The following TOX variants were observed in gnomAD, a reference collection of about 807,000 sequenced individuals.
The protein encoded by TOX is thymocyte selection-associated high mobility group box protein TOX.
A neutral mutation model predicts 53.7 loss-of-function variants in TOX; 11 were observed. The observed-to-expected ratio is 0.20, with a 90% CI of 0.13 to 0.34. The LOEUF is 0.34. Ranked by LOEUF, TOX falls within the 10% of genes least tolerant of loss-of-function variation. The probability of loss-of-function intolerance (pLI) is 1.00; values close to 1 mark genes in which losing one functional copy is unlikely to be tolerated. For synonymous variants in TOX, 225 were observed against 245.3 expected, an observed-to-expected ratio of 0.92 and a Z score of 0.77; for missense variants, 570 against 664.6, an observed-to-expected ratio of 0.86 and a Z score of 1.56.
At chr8:58,829,667 T>C (rs1810421077) in intron 5 of TOX, among the ~76,000 whole-genome samples, 1 of 152,196 alleles carries the variant, frequency 6.6e-6, no homozygotes, top group Non-Finnish European at 1.5e-5. Flanking sequence ...GCTCCCATTT[T>C]GTACACTCTG....
At chr8:58,868,563 C>CA (rs11445606) in intron 3 of TOX, among the ~76,000 whole-genome samples, 56,346 of 151,822 alleles carry the variant, frequency 0.37, 10,611 homozygotes, top group South Asian at 0.43. Flanking sequence ...AAATCTGGGT[C>CA]AAACTTTCCT....
At chr8:58,920,634 C>A (rs1435574386) in intron 3 of TOX, among the ~76,000 whole-genome samples, 1 of 106,400 alleles carries the variant, frequency 9.4e-6, no homozygotes, top group African/African-American at 3.8e-5. Flanking sequence ...GTGCAGTGCA[C>A]CAGCATGGCA....
chr8:58,976,918 C>A (rs1289185083), intron 1 of TOX, among the ~76,000 whole-genome samples: 1 of 152,180 alleles, frequency 6.6e-6, no homozygotes, highest in Non-Finnish European at 1.5e-5. Flanking sequence ...GTACTGTCAT[C>A]CAGCTAGAGT....
chr8:59,030,855 T>G (rs1814342520), intron 1 of TOX, among the ~76,000 whole-genome samples: 1 of 152,240 alleles, frequency 6.6e-6, no homozygotes, highest in African/African-American at 2.4e-5. Context: ...TTCCTCTCAT[T>G]TTTTCTATAA....
chr8:58,938,012 A>T (rs1812375381), intron 3 of TOX, among the ~76,000 whole-genome samples: 1 of 152,200 alleles, frequency 6.6e-6, no homozygotes, highest in Admixed American at 6.5e-5. Flanking sequence ...TCATAAGCTA[A>T]ATCTATACAA....
intron 2 of TOX, among the ~76,000 whole-genome samples, chr8:58,946,768 G>A (rs1812528898): frequency 6.6e-6 from 1 of 152,090 alleles, no homozygotes; most frequent in Non-Finnish European, 1.5e-5. Context: ...CAGAAGCATT[G>A]TCATATACCT....
At chr8:58,913,749 A>G (rs1039394621) in intron 3 of TOX, among the ~76,000 whole-genome samples, 3 of 152,202 alleles carry the variant, frequency 2.0e-5, no homozygotes, top group African/African-American at 7.2e-5. Context: ...ACTTGGAAGT[A>G]TAAGAATGTT....
In TOX at chr8:58,939,419, G is replaced by A. The variant is rs910511300; in HGVS notation, c.294C>T (p.His98=). Residue 98 remains histidine, a synonymous_variant, in exon 3 of 9, where the codon CAC becomes CAT. Coordinates refer to ENST00000361421, the MANE Select transcript of TOX (RefSeq NM_014729.3). Reference sequence around the variant, plus strand: ...GTAGCAGGCCATTATGGTTCATGGGGTGACACAGAGAATGGTAACCAGACT... The same window carrying A: ...GTAGCAGGCCATTATGGTTCATGGGATGACACAGAGAATGGTAACCAGACT... The part of the protein sequence containing the change: ...EVESGYHSLC[H]PMNHNGLLPF... The A allele has an allele frequency of 2.7e-5, 43 of 1,614,032 alleles. No individual in the cohort carries two copies. Among genetic ancestry groups the A allele is most frequent in the Non-Finnish European group, 3.6e-5 (43 of 1,180,040 alleles).
rs574319716 is a variant in TOX at position 58,922,796 on chromosome 8, A to G, written c.411+16506T>C. On this transcript the variant is annotated intron_variant, in intron 3 of 8. Transcript: ENST00000361421. ...TATTCACTTCTTCCTCATTACATGC[A>G]CTTTCCAGTGACAACTCATTTTATA... Among the ~76,000 whole-genome samples, 3 of 152,334 alleles carry G rather than the reference A, an allele frequency of 2.0e-5. No individual in the cohort carries two copies. In the South Asian group the frequency reaches 6.2e-4, roughly 32 times the overall value.
chr8:58,974,417 G>C (rs907824588), intron 1 of TOX, among the ~76,000 whole-genome samples: 1 of 152,186 alleles, frequency 6.6e-6, no homozygotes, highest in Non-Finnish European at 1.5e-5. Flanking sequence ...TAGGAATAAA[G>C]ACAGCTCAAA....
chr8:58,974,163 T>C (rs1813052293), intron 1 of TOX, among the ~76,000 whole-genome samples: 1 of 152,180 alleles, frequency 6.6e-6, no homozygotes, highest in Non-Finnish European at 1.5e-5. Context: ...CATTTGACAA[T>C]GTCTGGAGGT....
chr8:59,089,391 T>G (rs1000544778), intron 1 of TOX, among the ~76,000 whole-genome samples: 1 of 152,210 alleles, frequency 6.6e-6, no homozygotes, highest in South Asian at 2.1e-4. Context: ...GTGACCTCTT[T>G]CAGCTCTTCA....
chr8:59,009,529 C>T (rs1194509792), intron 1 of TOX, among the ~76,000 whole-genome samples: 1 of 152,054 alleles, frequency 6.6e-6, no homozygotes, highest in African/African-American at 2.4e-5. Context: ...TGTGCCTCCA[C>T]ACCTGGCTAA....
At position 58,851,942 on chromosome 8, in the gene TOX, T is replaced by C; in HGVS notation, c.412-137A>G. The C allele has an allele frequency of 1.3e-6, 1 of 755,102 alleles. No individual in the cohort carries two copies. Among genetic ancestry groups the C allele is most frequent in the Middle Eastern group, 5.0e-4 (1 of 1,998 alleles). 46.8% of individuals were successfully genotyped at this position (755,102 alleles called of 1,614,324 possible). A position where few individuals can be genotyped will look rare whatever the true frequency, so the allele number is the denominator to read the frequency against. ...TCTGCTGAGTTACATACACATTTAT[T>C]TTATCTGGGGTAAAATAATCCTAAA... On this transcript the variant is annotated intron_variant, in intron 3 of 8. Transcript: ENST00000361421. The surrounding 1 kb of genome is among the most constrained non-coding windows in gnomAD (Gnocchi z 4.4).
intron 3 of TOX, among the ~76,000 whole-genome samples, chr8:58,898,194 A>C (rs151034342): frequency 6.6e-6 from 1 of 152,324 alleles, no homozygotes; most frequent in East Asian, 1.9e-4. Context: ...TATTATGAGT[A>C]TAACAGTTTT....
At chr8:59,018,487 G>A (rs764404067) in intron 1 of TOX, among the ~76,000 whole-genome samples, 8 of 152,132 alleles carry the variant, frequency 5.3e-5, no homozygotes, top group Non-Finnish European at 8.8e-5. Flanking sequence ...AGTATGTCAC[G>A]CTCCAATAGA....
intron 3 of TOX, among the ~76,000 whole-genome samples, chr8:58,930,168 T>A (rs1428117201): frequency 1.3e-5 from 2 of 152,250 alleles, no homozygotes; most frequent in East Asian, 1.9e-4. Flanking sequence ...AATATTTGTA[T>A]CATTTTAGAA....
At chr8:58,908,967 T>G (rs1474323092) in intron 3 of TOX, among the ~76,000 whole-genome samples, 1 of 152,214 alleles carries the variant, frequency 6.6e-6, no homozygotes, top group Non-Finnish European at 1.5e-5. Flanking sequence ...TTCTAGAGTT[T>G]CTCATTAATG....
intron 1 of TOX, among the ~76,000 whole-genome samples, chr8:59,038,399 T>C (rs1021223685): frequency 1.3e-5 from 2 of 152,212 alleles, no homozygotes; most frequent in Non-Finnish European, 2.9e-5. Context: ...GGTTTTATTA[T>C]AATCAGAAAT....
Sources: gnomAD v4.1 joint callset for allele counts (sites outside exome capture counted in the v4.1 genomes callset) on GRCh38, gnomAD v4.1.1 for gene constraint, Gnocchi (gnomAD v3.1) non-coding constraint, MANE v1.5 for transcripts, NCBI Gene and HGNC (gene_info 2026-07-23, HGNC 2026-07-21) for gene names.